The following COPS9 variants were observed in gnomAD, a reference collection of about 807,000 sequenced individuals.
COPS9 encodes COP9 signalosome complex subunit 9.
COPS9 carries 8 observed loss-of-function variants against 7.2 expected under a neutral mutation model. The observed-to-expected ratio is 1.11, with a 90% CI of 0.65 to 2.00. The LOEUF is 2.00. Among genes scored for constraint, COPS9 ranks in the 30% most tolerant of loss-of-function variants. The probability of loss-of-function intolerance (pLI) is 0.00; values close to 1 mark genes in which losing one functional copy is unlikely to be tolerated. For synonymous variants in COPS9, 39 were observed against 28.7 expected (o/e 1.36, Z -1.14); for missense variants, 74 against 77.7 (o/e 0.95, Z 0.18).
Position 240,136,157 on chromosome 2 carries a change from CG to C in COPS9, c.63+64del. 5.0e-6 allele frequency: 7 copies of C among 1,405,928 alleles called. 2 individuals carry two copies. The Admixed American group carries it at 2.2e-4, about 45-fold the overall frequency. The allele number at this position is 1,405,928 out of a possible 1,614,324, so 87.1% of individuals were successfully genotyped here. A position where few individuals can be genotyped will look rare whatever the true frequency, so the allele number is the denominator to read the frequency against. Reference sequence around the variant, plus strand: ...CCTCCCCGGGACCCGCGCACCAGGACGCCGCCCTTCCGCTCCCCCTTCCCCG... The same window carrying C: ...CCTCCCCGGGACCCGCGCACCAGGACCCGCCCTTCCGCTCCCCCTTCCCCG... On this transcript the variant is annotated intron_variant, in intron 1 of 2. Coordinates refer to ENST00000607357, the MANE Select transcript of COPS9 (RefSeq NM_001163424.2).
At chr2:240,134,434 C>T (rs1054009680) in intron 1 of COPS9, 9 of 173,654 alleles carry the variant, frequency 5.2e-5, no homozygotes, top group South Asian at 1.4e-4. Flanking sequence ...CTGACCTGCT[C>T]TGCCTCTGAG....
At position 240,130,847 on chromosome 2, in the gene COPS9, T is replaced by G; in HGVS notation, c.*204A>C. On this transcript the variant is annotated 3_prime_UTR_variant, in exon 3 of 3. Coordinates refer to ENST00000607357, the MANE Select transcript of COPS9 (RefSeq NM_001163424.2). ...CACATGTGACATTGCTTTCTTTTAA[T>G]TGGAGTGAGGACAAAACCTGATCCC... 7.1e-7 allele frequency: 1 copy of G among 1,406,784 alleles called. No individual in the cohort carries two copies. 87.1% of individuals were successfully genotyped at this position (1,406,784 alleles called of 1,614,324 possible). A position where few individuals can be genotyped will look rare whatever the true frequency, so the allele number is the denominator to read the frequency against.
At chr2:240,130,253 TG>T (rs1211116736), downstream of COPS9, among the ~76,000 whole-genome samples, 1 of 152,076 alleles carries the variant, frequency 6.6e-6, no homozygotes, top group Non-Finnish European at 1.5e-5. Context: ...ACTCTGAAAA[TG>T]GGAACTGCTG....
downstream of COPS9, chr2:240,127,036 T>C (rs946469069): frequency 1.6e-5 from 23 of 1,437,628 alleles, no homozygotes; most frequent in Non-Finnish European, 2.0e-5. Context: ...TTCTGTCCAG[T>C]GAGAAGACAA....
rs1289677360 is a variant in COPS9 at position 240,133,976 on chromosome 2, G to A, written c.93C>T (p.Asp31=). Residue 31 remains aspartate (D), a synonymous_variant, in exon 2 of 3, where the codon GAC becomes GAT. Coordinates refer to ENST00000607357, the MANE Select transcript of COPS9 (RefSeq NM_001163424.2). ...EAGGSTGLLM[D]LAANEKAVHA... ...GAACGGCCTTTTCATTGGCTGCCAA[G>A]TCCATCAAGAGCCCGGTGCTGCCTC... 2 of 1,614,174 alleles carry A rather than the reference G, an allele frequency of 1.2e-6. No homozygotes were observed. The highest frequency in any genetic ancestry group is 4.5e-5 in the East Asian group (2 of 44,882).
At chr2:240,131,356 C>T (rs2071920835) in intron 2 of COPS9, among the ~76,000 whole-genome samples, 1 of 152,196 alleles carries the variant, frequency 6.6e-6, no homozygotes, top group South Asian at 2.1e-4. Context: ...TTCTGAGTCC[C>T]ACGGACACCA....
chr2:240,129,012 G>A (rs990827520), downstream of COPS9, among the ~76,000 whole-genome samples: 4 of 152,222 alleles, frequency 2.6e-5, no homozygotes, highest in Non-Finnish European at 4.4e-5. Context: ...AGCTTCTGGG[G>A]CTCACAGGCC....
At chr2:240,135,198 G>A (rs1188061797) in intron 1 of COPS9, among the ~76,000 whole-genome samples, 1 of 151,966 alleles carries the variant, frequency 6.6e-6, no homozygotes, top group Non-Finnish European at 1.5e-5. Context: ...CCTTCCCTTG[G>A]TGAGCCAGTC....
downstream of COPS9, chr2:240,127,044 C>A: frequency 2.8e-6 from 4 of 1,405,968 alleles, no homozygotes; most frequent in South Asian, 5.3e-5. Context: ...AGTGAGAAGA[C>A]AAGTATTTCT....
rs2071933133 is a variant in COPS9, at chr2:240,132,523, G to GCTCA, written c.136+1406_136+1409dup. On this transcript the variant is annotated intron_variant, in intron 2 of 2. Coordinates refer to ENST00000607357, the MANE Select transcript of COPS9 (RefSeq NM_001163424.2). This position sits in a 1 kb window ranked among gnomAD's most constrained non-coding sequence, Gnocchi z 4.1. ...TCAAAGGCAGACACGCGCCCACAAT[G>GCTCA]CTCAGGTTGCTGGGCGCTCACCTGA... 6.6e-6 allele frequency among the ~76,000 whole-genome samples: 1 copy of GCTCA among 152,142 alleles called. No homozygotes were observed. The highest frequency in any genetic ancestry group is 6.5e-5 in the Admixed American group (1 of 15,272).
In COPS9 at chr2:240,133,846, T is replaced by A. The variant is rs563931057; in HGVS notation, c.136+87A>T. ...GGCTCTACCACCTTATGATCCAAAT[T>A]ATTCATGTCACCAAGTTGCTTCACT... On this transcript the variant is annotated intron_variant, in intron 2 of 2. Transcript: ENST00000607357. 5.2e-6 allele frequency: 7 copies of A among 1,348,492 alleles called. No homozygotes were observed. The East Asian group carries it at 1.6e-4, about 31-fold the overall frequency. The allele number at this position is 1,348,492 out of a possible 1,614,324, so 83.5% of individuals were successfully genotyped here. A position where few individuals can be genotyped will look rare whatever the true frequency, so the allele number is the denominator to read the frequency against.
At chr2:240,127,202 G>A (rs1484897234), downstream of COPS9, among the ~76,000 whole-genome samples, 3 of 152,054 alleles carry the variant, frequency 2.0e-5, no homozygotes, top group Non-Finnish European at 2.9e-5. Context: ...GAGCATTTCC[G>A]AGCATTTCCC....
At chr2:240,126,691 T>C (rs1419680158), downstream of COPS9, 4 of 1,614,090 alleles carry the variant, frequency 2.5e-6, no homozygotes, top group African/African-American at 2.7e-5. Flanking sequence ...CTGTCTTCGC[T>C]GACCTCTCGC....
chr2:240,129,362 C>T (rs192900376), downstream of COPS9, among the ~76,000 whole-genome samples: 19 of 152,236 alleles, frequency 1.2e-4, no homozygotes, highest in East Asian at 5.8e-4. Flanking sequence ...AGGGGGGTCT[C>T]GTTCTGTTGC....
downstream of COPS9, chr2:240,126,860 C>T (rs774857227): frequency 5.0e-6 from 8 of 1,614,172 alleles, no homozygotes; most frequent in East Asian, 8.9e-5. Flanking sequence ...TAAACATTAG[C>T]GCCTCCGCCC....
rs1193096686 is a variant in COPS9 at position 240,136,292 on chromosome 2, C to T, written c.-8G>A. On this transcript the variant is annotated 5_prime_UTR_variant, in exon 1 of 3. Transcript: ENST00000607357. Reference sequence around the variant, plus strand: ...GTCCACCGCCGGCTTCATCTCGGGGCCGCGGCGCTCTAGGCTCACTTCCGG... The same window carrying T: ...GTCCACCGCCGGCTTCATCTCGGGGTCGCGGCGCTCTAGGCTCACTTCCGG... 1 of 1,561,456 alleles carries T rather than the reference C, an allele frequency of 6.4e-7. No individual in the cohort carries two copies. Among genetic ancestry groups the T allele is most frequent in the South Asian group, 1.2e-5 (1 of 84,488 alleles).
rs2071947195 is a variant in COPS9, at chr2:240,133,975, A to G, written c.94T>C (p.Leu32=). 1.2e-6 allele frequency: 2 copies of G among 1,614,062 alleles called. No homozygotes were observed. Among genetic ancestry groups the G allele is most frequent in the Non-Finnish European group, 1.7e-6 (2 of 1,180,036 alleles). The change falls in exon 2 of 3, where the codon TTG becomes CTG. Residue 32 remains leucine, a synonymous_variant. Transcript: ENST00000607357. ...AGGSTGLLMD[L]AANEKAVHAD... The stretch of plus-strand genomic sequence containing the variant: ...TGAACGGCCTTTTCATTGGCTGCCA[A>G]GTCCATCAAGAGCCCGGTGCTGCCT...
downstream of COPS9, chr2:240,129,912 T>G (rs755639567): frequency 6.2e-7 from 1 of 1,613,526 alleles, no homozygotes; most frequent in African/African-American, 1.3e-5. Context: ...ACTTCTTACC[T>G]CTTCCGACAC....
chr2:240,128,897 C>G (rs997614539), downstream of COPS9, among the ~76,000 whole-genome samples: 1 of 152,232 alleles, frequency 6.6e-6, no homozygotes, highest in South Asian at 2.1e-4. Flanking sequence ...AGAGCCCACA[C>G]AGGTCTCAAC....
Sources: allele counts gnomAD v4.1 joint callset (sites outside exome capture counted in the v4.1 genomes callset), GRCh38; gene constraint gnomAD v4.1.1; non-coding constraint Gnocchi (gnomAD v3.1); transcripts MANE v1.5; gene names NCBI Gene and HGNC (gene_info 2026-07-23, HGNC 2026-07-21).